Variants in IPMK observed in about 807,000 individuals in gnomAD.
The protein encoded by IPMK is inositol 1,3,4,6-tetrakisphosphate 5-kinase.
IPMK carries 17 observed loss-of-function variants against 45.8 expected under a neutral mutation model. The observed-to-expected ratio is 0.37, with a 90% CI of 0.25 to 0.56. The LOEUF is 0.56. Among genes scored for constraint, IPMK ranks in the 20% least tolerant of loss-of-function variants. IPMK has a pLI of 0.79. For synonymous variants in IPMK, 180 were observed against 184.3 expected (o/e 0.98, Z 0.19); for missense variants, 399 against 498.0 (o/e 0.80, Z 1.89).
chr10:58,248,297 A>G (rs2132172661), intron 1 of IPMK, among the ~76,000 whole-genome samples: 1 of 152,302 alleles, frequency 6.6e-6, no homozygotes, highest in East Asian at 1.9e-4. Flanking sequence ...ACATTTAAAA[A>G]TGGCCAAGAT....
intron 4 of IPMK, chr10:58,212,866 C>G (rs1003604123): frequency 5.1e-5 from 12 of 234,024 alleles, no homozygotes; most frequent in African/African-American, 2.8e-4. Flanking sequence ...GCCCTCGGGA[C>G]CTTCAGCAGA....
chr10:58,200,091 A>G (rs1397651841), intron 4 of IPMK, among the ~76,000 whole-genome samples: 1 of 152,190 alleles, frequency 6.6e-6, no homozygotes, highest in Non-Finnish European at 1.5e-5. Flanking sequence ...ATCTACAACT[A>G]AAGTGAGATT....
At chr10:58,202,816 A>G (rs1043417713) in intron 4 of IPMK, among the ~76,000 whole-genome samples, 7 of 152,344 alleles carry the variant, frequency 4.6e-5, no homozygotes, top group Middle Eastern at 6.8e-3. Context: ...ATTACTGCTC[A>G]TTGACAGTGC....
intron 1 of IPMK, among the ~76,000 whole-genome samples, chr10:58,243,339 T>C (rs755952626): frequency 7.2e-5 from 11 of 152,198 alleles, no homozygotes; most frequent in South Asian, 2.1e-4. Flanking sequence ...ATGTATACAA[T>C]AGAATGTCAC....
intron 1 of IPMK, among the ~76,000 whole-genome samples, chr10:58,261,484 G>T (rs937418931): frequency 7.7e-6 from 1 of 129,360 alleles, no homozygotes; most frequent in Admixed American, 7.0e-5. Flanking sequence ...AATTTAAACA[G>T]AAACAAATGA....
intron 1 of IPMK, among the ~76,000 whole-genome samples, chr10:58,252,436 G>GT (rs201330209): frequency 0.13 from 16,232 of 129,842 alleles, 1,217 homozygotes; most frequent in Non-Finnish European, 0.19. Flanking sequence ...GAATTTGACT[G>GT]TTTTTTTTTT....
intron 1 of IPMK, 22 bp downstream of exon 1, chr10:58,267,400 G>C (rs1371423762): frequency 6.2e-7 from 1 of 1,610,964 alleles, no homozygotes; most frequent in Non-Finnish European, 8.5e-7. Context: ...GGAGCGGCGA[G>C]ACCTATGCCA....
At position 58,196,219 on chromosome 10, in the gene IPMK, G is replaced by C. The variant is rs775609595; in HGVS notation, c.1108C>G (p.Pro370Ala). The change falls in exon 6 of 6, where the codon CCC becomes GCC. Residue 370 changes from proline (P) to alanine (A), a missense_variant. Physicochemically the swap from Pro to Ala is conservative, Grantham distance 27. This residue lies in a region of IPMK where 288 missense variants were observed against 398.0 expected (regional missense o/e 0.72). Coordinates refer to ENST00000373935, the MANE Select transcript of IPMK (RefSeq NM_152230.5). ...SQLEKVFYHL[P>A]TGCQEIAEVE... is the part of the protein sequence containing the mutation. ...TCAGCAATCTCTTGGCAACCAGTGGGAAGATGGTAGAAAACTTTTTCCAGT... is the reference window on the plus strand; with the variant it reads ...TCAGCAATCTCTTGGCAACCAGTGGCAAGATGGTAGAAAACTTTTTCCAGT... The C allele has an allele frequency of 1.9e-6, 3 of 1,614,044 alleles. No individual in the cohort carries two copies. The highest frequency in any genetic ancestry group is 2.5e-6 in the Non-Finnish European group (3 of 1,179,932).
At chr10:58,237,983 T>C (rs960320138) in intron 1 of IPMK, among the ~76,000 whole-genome samples, 169 bp from the exon 2 acceptor site, 5 of 152,236 alleles carry the variant, frequency 3.3e-5, no homozygotes, top group African/African-American at 4.8e-5. Flanking sequence ...TCAGTACTTA[T>C]TACAGCAAAG....
At chr10:58,233,659 G>A (rs1485200196) in intron 2 of IPMK, among the ~76,000 whole-genome samples, 2 of 152,064 alleles carry the variant, frequency 1.3e-5, no homozygotes, top group Admixed American at 1.3e-4. Flanking sequence ...GATATTGATG[G>A]AATGTATCTC....
intron 1 of IPMK, among the ~76,000 whole-genome samples, chr10:58,260,314 G>A (rs1022285901): frequency 2.0e-5 from 3 of 152,148 alleles, no homozygotes; most frequent in Non-Finnish European, 2.9e-5. Flanking sequence ...CTAAAGAATC[G>A]TAACAACGAA....
intron 1 of IPMK, 127 bp downstream of exon 1, chr10:58,267,295 G>A: frequency 1.2e-6 from 1 of 858,616 alleles, no homozygotes; most frequent in Non-Finnish European, 1.9e-6. Flanking sequence ...CAGCGGAAGA[G>A]GCCAGGGATT....
intron 4 of IPMK, among the ~76,000 whole-genome samples, chr10:58,210,758 C>T (rs1408491281): frequency 2.0e-5 from 3 of 152,150 alleles, no homozygotes; most frequent in Non-Finnish European, 2.9e-5. Flanking sequence ...GGTATGTGTT[C>T]GAAGGCAGGT....
chr10:58,242,291 A>T (rs957335867), intron 1 of IPMK, among the ~76,000 whole-genome samples: 2 of 152,042 alleles, frequency 1.3e-5, no homozygotes, highest in African/African-American at 4.8e-5. Flanking sequence ...CCCCATCTCT[A>T]CTAAAAATAC....
chr10:58,209,511 T>G (rs779046841), intron 4 of IPMK, among the ~76,000 whole-genome samples: 2 of 152,132 alleles, frequency 1.3e-5, no homozygotes, highest in Non-Finnish European at 2.9e-5. Flanking sequence ...GTAGTGATCG[T>G]TATTGTTCTT....
At chr10:58,219,063 C>A (rs1050319832) in intron 3 of IPMK, among the ~76,000 whole-genome samples, 2 of 152,154 alleles carry the variant, frequency 1.3e-5, no homozygotes, top group African/African-American at 2.4e-5. Context: ...ACTTTACTTT[C>A]AGGTCCTTCT....
chr10:58,249,966 T>C (rs1314770600), intron 1 of IPMK, among the ~76,000 whole-genome samples: 2 of 152,234 alleles, frequency 1.3e-5, no homozygotes, highest in Non-Finnish European at 2.9e-5. Context: ...GTATGTGGCT[T>C]AGCACCTTTG....
chr10:58,200,575 T>C (rs957689121), intron 4 of IPMK, among the ~76,000 whole-genome samples: 1 of 152,260 alleles, frequency 6.6e-6, no homozygotes, highest in Admixed American at 6.5e-5. Context: ...ATCAAACATA[T>C]GTGAGAATTT....
intron 1 of IPMK, among the ~76,000 whole-genome samples, 155 bp downstream of exon 1, chr10:58,267,267 T>C (rs1199129239): frequency 6.6e-6 from 1 of 152,094 alleles, no homozygotes. Context: ...TCTGCTCGAG[T>C]GGCGAGGCTT....
Sources: gnomAD v4.1 joint callset for allele counts (sites outside exome capture counted in the v4.1 genomes callset) on GRCh38, gnomAD v4.1.1 for gene constraint, gnomAD v4.1.1 regional missense constraint, MANE v1.5 for transcripts, NCBI Gene and HGNC (gene_info 2026-07-23, HGNC 2026-07-21) for gene names.